LINGO1: variants seen among roughly 807,000 people sequenced by gnomAD.
LINGO1 encodes leucine-rich repeat and immunoglobulin-like domain-containing nogo receptor-interacting protein 1.
LINGO1 carries 11 observed loss-of-function variants against 37.3 expected under a neutral mutation model. That is an observed-to-expected ratio of 0.29 (90% CI 0.19 to 0.49). LINGO1 has a LOEUF of 0.49. LINGO1 is among the 20% of genes least tolerant of loss of function. LINGO1 has a pLI of 0.99. For missense variants in LINGO1, 585 were observed against 878.2 expected (o/e 0.67, Z 4.22); for synonymous variants, 387 against 403.0 (o/e 0.96, Z 0.48).
rs112675827 is a variant in LINGO1, at chr15:77,802,674, G to A, written c.-457-6621C>T. Among the ~76,000 whole-genome samples the A allele has an allele frequency of 1.8e-3, 276 of 152,186 alleles. 2 individuals are homozygous for A. Among genetic ancestry groups the A allele is most frequent in the East Asian group, 6.4e-3 (33 of 5,176 alleles). Reference sequence around the variant, plus strand: ...CCTGCCTCCAGGAAGCAGGGACTGCGGGAACCAGCAAACTCCTCCTAATGA... The same window carrying A: ...CCTGCCTCCAGGAAGCAGGGACTGCAGGAACCAGCAAACTCCTCCTAATGA... On this transcript the variant is annotated intron_variant, in intron 1 of 5. Coordinates refer to the LINGO1 transcript ENST00000562933.
In LINGO1 at chr15:77,613,910, C is replaced by A; in HGVS notation, c.*134G>T. 1 of 769,344 alleles carries A rather than the reference C, an allele frequency of 1.3e-6. No individual in the cohort carries two copies. The highest frequency in any genetic ancestry group is 2.0e-6 in the Non-Finnish European group (1 of 492,052). The allele number at this position is 769,344 out of a possible 1,614,324, so 47.7% of individuals were successfully genotyped here. On this transcript the variant is annotated 3_prime_UTR_variant, in exon 2 of 2. Transcript: ENST00000355300. ...AGGGCTGGCGGGGGGCAGCAGGGGACGGAGGCGGGAGGGAGAAAGAGAACG... is the reference window on the plus strand; with the variant it reads ...AGGGCTGGCGGGGGGCAGCAGGGGAAGGAGGCGGGAGGGAGAAAGAGAACG...
chr15:77,622,822 T>A (rs1385276529), intron 1 of LINGO1, among the ~76,000 whole-genome samples: 1 of 152,184 alleles, frequency 6.6e-6, no homozygotes, highest in East Asian at 1.9e-4. Flanking sequence ...GGCCTCCTAC[T>A]CGGCCTTCAG....
intron 1 of LINGO1, among the ~76,000 whole-genome samples, chr15:77,764,741 G>T (rs952722728): frequency 2.1e-4 from 32 of 152,176 alleles, no homozygotes; most frequent in African/African-American, 7.5e-4. Flanking sequence ...TGCAAGCACT[G>T]GGGGGAACGA....
At chr15:77,630,108 G>T (rs1178916789) in intron 1 of LINGO1, among the ~76,000 whole-genome samples, 2 of 152,038 alleles carry the variant, frequency 1.3e-5, no homozygotes, top group African/African-American at 2.4e-5. Flanking sequence ...ACACAGGACA[G>T]CTAGCCCAAG....
chr15:77,820,502 C>G (rs1304128106), upstream of LINGO1, among the ~76,000 whole-genome samples: 1 of 152,226 alleles, frequency 6.6e-6, no homozygotes, highest in Admixed American at 6.5e-5. Context: ...GCGCCCTGGA[C>G]TGCGTGGCGG....
intron 3 of LINGO1, among the ~76,000 whole-genome samples, chr15:77,670,312 T>C (rs1025014157): frequency 6.6e-6 from 1 of 152,274 alleles, no homozygotes; most frequent in Non-Finnish European, 1.5e-5. Flanking sequence ...TAAAAATCAC[T>C]GAACTGTATG....
intron 1 of LINGO1, among the ~76,000 whole-genome samples, chr15:77,814,215 C>T (rs1295235130): frequency 6.6e-6 from 1 of 152,158 alleles, no homozygotes. Context: ...CCCCCAGTCT[C>T]CACCCCAGAA....
chr15:77,744,452 T>G (rs1053348253), intron 1 of LINGO1, among the ~76,000 whole-genome samples: 7 of 152,174 alleles, frequency 4.6e-5, no homozygotes, highest in African/African-American at 1.4e-4. Flanking sequence ...GAGAATCACC[T>G]GAGCCCGGGA....
At chr15:77,689,896 A>G (rs1325777526) in intron 2 of LINGO1, among the ~76,000 whole-genome samples, 1 of 152,226 alleles carries the variant, frequency 6.6e-6, no homozygotes, top group Non-Finnish European at 1.5e-5. Context: ...GGAAGGGAAC[A>G]AGGATTTACT....
chr15:77,813,126 G>A (rs1216947605), intron 1 of LINGO1, among the ~76,000 whole-genome samples: 2 of 152,244 alleles, frequency 1.3e-5, no homozygotes, highest in African/African-American at 4.8e-5. Flanking sequence ...CTTGCATATA[G>A]TGGGTACACA....
intron 1 of LINGO1, among the ~76,000 whole-genome samples, chr15:77,776,480 G>GGCAGGAAGGCAGGAAA (rs2076645578): frequency 8.6e-6 from 1 of 116,294 alleles, no homozygotes; most frequent in South Asian, 3.2e-4. Context: ...AAGGCAGGAA[G>GGCAGGAAGGCAGGAAA]GCAGGAAAGC....
intron 1 of LINGO1, among the ~76,000 whole-genome samples, chr15:77,810,064 T>C (rs1301077322): frequency 6.6e-6 from 1 of 151,644 alleles, no homozygotes; most frequent in Non-Finnish European, 1.5e-5. Flanking sequence ...ACAGTAAGCC[T>C]GGCACTAATC....
chr15:77,811,010 G>A (rs2077001337), intron 1 of LINGO1, among the ~76,000 whole-genome samples: 2 of 151,604 alleles, frequency 1.3e-5, no homozygotes, highest in African/African-American at 4.9e-5. Flanking sequence ...GATCTGTTCC[G>A]AGGTTACAGA....
chr15:77,807,062 C>A (rs2076966119), intron 1 of LINGO1, among the ~76,000 whole-genome samples: 1 of 152,230 alleles, frequency 6.6e-6, no homozygotes, highest in Non-Finnish European at 1.5e-5. Flanking sequence ...GGTCACCCTT[C>A]TCTGCCTTCG....
chr15:77,671,752 C>T (rs2075253244), intron 3 of LINGO1, among the ~76,000 whole-genome samples: 1 of 152,228 alleles, frequency 6.6e-6, no homozygotes, highest in Non-Finnish European at 1.5e-5. Context: ...CTTCCAGGGT[C>T]AGACCCTTCT....
At chr15:77,623,439 G>A (rs1233301324) in intron 1 of LINGO1, among the ~76,000 whole-genome samples, 2 of 152,214 alleles carry the variant, frequency 1.3e-5, no homozygotes, top group East Asian at 3.9e-4. Context: ...GCTGAGGTGT[G>A]AATGGCTGAT....
At chr15:77,658,683 C>T (rs1368276345) in intron 3 of LINGO1, among the ~76,000 whole-genome samples, 2 of 152,248 alleles carry the variant, frequency 1.3e-5, no homozygotes, top group Non-Finnish European at 2.9e-5. Context: ...GCTTTCAGCA[C>T]TAAGAGTTTT....
At chr15:77,781,953 G>A (rs2076722178) in intron 1 of LINGO1, among the ~76,000 whole-genome samples, 2 of 152,240 alleles carry the variant, frequency 1.3e-5, no homozygotes, top group African/African-American at 4.8e-5. Flanking sequence ...GCATGGGAAG[G>A]CAGAGGGAAG....
At chr15:77,786,544 C>T (rs1341686332) in intron 1 of LINGO1, among the ~76,000 whole-genome samples, 1 of 152,224 alleles carries the variant, frequency 6.6e-6, no homozygotes, top group African/African-American at 2.4e-5. Context: ...GATATTTACA[C>T]AGACGGCCTC....
Sources: gnomAD v4.1 joint callset for allele counts (sites outside exome capture counted in the v4.1 genomes callset) on GRCh38, gnomAD v4.1.1 for gene constraint, MANE v1.5 for transcripts, NCBI Gene and HGNC (gene_info 2026-07-23, HGNC 2026-07-21) for gene names.